The following CELSR3 variants were observed in gnomAD, a reference collection of about 807,000 sequenced individuals.
The protein encoded by CELSR3 is EGF-like protein 1.
CELSR3 carries 73 observed loss-of-function variants against 270.0 expected under a neutral mutation model. The ratio of observed to expected loss-of-function variants is 0.27; its 90% CI spans 0.22 to 0.33. The LOEUF (loss-of-function observed/expected upper bound fraction) is 0.33, where lower values mean the gene tolerates loss of function less well. CELSR3 is among the 10% of genes least tolerant of loss of function. CELSR3 has a pLI of 1.00. For synonymous variants in CELSR3, 1,780 were observed against 1,905.4 expected (o/e 0.93, Z 1.71); for missense variants, 3,614 against 4,533.8 (o/e 0.80, Z 5.83).
Position 48,651,264 on chromosome 3 carries a change from G to A in CELSR3, c.6186+95C>T. ...CTTGGTCACAGGACACAGGCAAGAG[G>A]TTAGGGCCCAAGTCAGGTGGCGGAG... On this transcript the variant is annotated intron_variant, in intron 14 of 34. Coordinates refer to ENST00000164024, the MANE Select transcript of CELSR3 (RefSeq NM_001407.3). The surrounding 1 kb of genome is among the most constrained non-coding windows in gnomAD (Gnocchi z 7.4). The A allele has an allele frequency of 4.5e-6, 7 of 1,568,024 alleles. No homozygotes were observed. In the South Asian group the frequency reaches 8.3e-5, roughly 19 times the overall value.
rs756383336 is a variant in CELSR3, at chr3:48,650,724, T to C, written c.6371-143A>G. 1.3e-4 allele frequency: 136 copies of C among 1,033,636 alleles called. No individual in the cohort carries two copies. Among genetic ancestry groups the C allele is most frequent in the Middle Eastern group, 3.0e-4 (1 of 3,296 alleles). 64.0% of individuals were successfully genotyped at this position (1,033,636 alleles called of 1,614,324 possible). A position where few individuals can be genotyped will look rare whatever the true frequency, so the allele number is the denominator to read the frequency against. ...TCAGGAGCTGACCTGTCAGATTCTGTGACAGGTCAGCAAAGTACTTGGGGC... is the reference window on the plus strand; with the variant it reads ...TCAGGAGCTGACCTGTCAGATTCTGCGACAGGTCAGCAAAGTACTTGGGGC... On this transcript the variant is annotated intron_variant, in intron 15 of 34. Coordinates refer to ENST00000164024, the MANE Select transcript of CELSR3 (RefSeq NM_001407.3). This position sits in a 1 kb window ranked among gnomAD's most constrained non-coding sequence, Gnocchi z 5.1.
rs1375618121 is a variant in CELSR3 at position 48,659,971 on chromosome 3, A to G, written c.2664T>C (p.Gly888=). 1.2e-6 allele frequency: 2 copies of G among 1,614,084 alleles called. No homozygotes were observed. The highest frequency in any genetic ancestry group is 1.1e-5 in the South Asian group (1 of 91,078). ...GGAGATAGGTGATACGAGCATTCTC[A>G]CCCACGTCATCATCAGAGGCACTGA... ...VVISASDDDV[G]ENARITYLLE... Residue 888 remains glycine (G), a synonymous_variant, in exon 1 of 35, where the codon GGT becomes GGC. Transcript: ENST00000164024. The surrounding 1 kb of genome is among the most constrained non-coding windows in gnomAD (Gnocchi z 8.1).
intron 19 of CELSR3, 60 bp from the exon 20 acceptor site, chr3:48,648,056 T>C: frequency 7.6e-6 from 12 of 1,574,470 alleles, no homozygotes; most frequent in Non-Finnish European, 1.0e-5. Flanking sequence ...CCAAGGGTTC[T>C]ACTCCCTCTT....
Position 48,640,885 on chromosome 3 carries a change from T to C in CELSR3, c.9026-326A>G, listed in dbSNP as rs1460860116. 2.3e-6 allele frequency: 1 copy of C among 443,514 alleles called. No homozygotes were observed. Among genetic ancestry groups the C allele is most frequent in the African/African-American group, 2.0e-5 (1 of 49,950 alleles). The allele number at this position is 443,514 out of a possible 1,614,324, so 27.5% of individuals were successfully genotyped here. A position where few individuals can be genotyped will look rare whatever the true frequency, so the allele number is the denominator to read the frequency against. On this transcript the variant is annotated intron_variant, in intron 33 of 34. Transcript: ENST00000164024. The surrounding 1 kb of genome is among the most constrained non-coding windows in gnomAD (Gnocchi z 7.5). ...CCTGACAATGCAGGCCTGGCTGAAA[T>C]GCAGGAACCCCCCGGGTTGGACAGG...
Position 48,652,423 on chromosome 3 carries a change from A to C in CELSR3, c.5751+14T>G, listed in dbSNP as rs1400576248. The C allele has an allele frequency of 3.8e-6, 6 of 1,596,488 alleles. No individual in the cohort carries two copies. The highest frequency in any genetic ancestry group is 5.2e-6 in the Non-Finnish European group (6 of 1,164,722). On this transcript the variant is annotated intron_variant, in intron 11 of 34. Transcript: ENST00000164024. This position sits in a 1 kb window ranked among gnomAD's most constrained non-coding sequence, Gnocchi z 4.3. Reference sequence around the variant, plus strand: ...CCCTAATGCCCCATATCACATTCCCATGCTGACCCCCACCTGGATGCAGCC... The same window carrying C: ...CCCTAATGCCCCATATCACATTCCCCTGCTGACCCCCACCTGGATGCAGCC...
chr3:48,637,702 G>C lies in CELSR3; in HGVS notation c.*503C>G, dbSNP rs952969093. ...CCCAGCCCCAGAAGTTTGGCCTTTG[G>C]AGCATTCAATAAAAAGCAAAGAACA... On this transcript the variant is annotated 3_prime_UTR_variant, in exon 35 of 35. Transcript: ENST00000164024. 1 of 153,864 alleles carries C rather than the reference G, an allele frequency of 6.5e-6. No homozygotes were observed. Among genetic ancestry groups the C allele is most frequent in the African/African-American group, 2.4e-5 (1 of 41,434 alleles). The allele number at this position is 153,864 out of a possible 1,614,324, so 9.5% of individuals were successfully genotyped here. A position where few individuals can be genotyped will look rare whatever the true frequency, so the allele number is the denominator to read the frequency against.
In CELSR3 at chr3:48,651,064, G is replaced by T; in HGVS notation, c.6198C>A (p.Tyr2066Ter). The change falls in exon 15 of 35, where the codon TAC (tyrosine) becomes TAA (stop). Residue 2066 changes from tyrosine (Y) to a stop codon, truncating the protein, a stop_gained. Coordinates refer to ENST00000164024, the MANE Select transcript of CELSR3 (RefSeq NM_001407.3). LOFTEE classifies it high-confidence loss of function. This position sits in a 1 kb window ranked among gnomAD's most constrained non-coding sequence, Gnocchi z 7.4. ...GGCAAGAGTCACTGCCCCGCGGTCG[G>T]TAGTGGAACTCCTGTTTGAGGATGG... ...NGQCHCKEFH[Y>*]RPRGSDSCLP... The T allele has an allele frequency of 6.4e-7, 1 of 1,563,144 alleles. No individual in the cohort carries two copies. Among genetic ancestry groups the T allele is most frequent in the Non-Finnish European group, 8.7e-7 (1 of 1,154,856 alleles).
chr3:48,656,555 G>T, intron 2 of CELSR3, 143 bp downstream of exon 2: 1 of 1,251,960 alleles, frequency 8.0e-7, no homozygotes, highest in Non-Finnish European at 1.0e-6. Flanking sequence ...GGCCCCTTCC[G>T]GCCACGCTCT....
At position 48,637,988 on chromosome 3, in the gene CELSR3, T is replaced by A; in HGVS notation, c.*217A>T. The A allele has an allele frequency of 2.0e-6, 1 of 508,656 alleles. No homozygotes were observed. Among genetic ancestry groups the A allele is most frequent in the Non-Finnish European group, 3.6e-6 (1 of 279,412 alleles). 31.5% of individuals were successfully genotyped at this position (508,656 alleles called of 1,614,324 possible). The stretch of plus-strand genomic sequence containing the variant: ...TCTCTGGTTACAAAGGTACAAAACG[T>A]ATAAAAGTCTCCCTCCAGTCCCCCG... On this transcript the variant is annotated 3_prime_UTR_variant, in exon 35 of 35. Coordinates refer to ENST00000164024, the MANE Select transcript of CELSR3 (RefSeq NM_001407.3).
rs2046989856 is a variant in CELSR3, at chr3:48,638,178, C to G, written c.*27G>C. 1 of 1,607,046 alleles carries G rather than the reference C, an allele frequency of 6.2e-7. No homozygotes were observed. Among genetic ancestry groups the G allele is most frequent in the Non-Finnish European group, 8.5e-7 (1 of 1,173,836 alleles). On this transcript the variant is annotated 3_prime_UTR_variant, in exon 35 of 35. Coordinates refer to ENST00000164024, the MANE Select transcript of CELSR3 (RefSeq NM_001407.3). ...AGCCTAGATCCTCTGTCGCCCTCAGCTGTTCCTCGTCCACGCCGTCATCCC... is the reference window on the plus strand; with the variant it reads ...AGCCTAGATCCTCTGTCGCCCTCAGGTGTTCCTCGTCCACGCCGTCATCCC...
Position 48,652,027 on chromosome 3 carries a change from G to T in CELSR3, c.5773C>A (p.Pro1925Thr), listed in dbSNP as rs534221156. The T allele has an allele frequency of 1.3e-6, 2 of 1,562,654 alleles. No homozygotes were observed. The highest frequency in any genetic ancestry group is 1.7e-6 in the Non-Finnish European group (2 of 1,158,664). Residue 1925 changes from proline to threonine, a missense_variant, in exon 12 of 35, where the codon CCC becomes ACC. Physicochemically the swap from Pro to Thr is conservative, Grantham distance 38. This residue lies in a region of CELSR3 where 1,331 missense variants were observed against 1,933.7 expected (regional missense o/e 0.69). Coordinates refer to ENST00000164024, the MANE Select transcript of CELSR3 (RefSeq NM_001407.3). The surrounding 1 kb of genome is among the most constrained non-coding windows in gnomAD (Gnocchi z 4.3). Reference protein sequence around the residue: ...CIQGVWLGSTPSGSPALLPPS... With the variant: ...CIQGVWLGSTTSGSPALLPPS... ...GGTAGCAGGGCCGGGGAGCCAGAGG[G>T]TGTGGAGCCGAGCCACACCCCCTGT...
chr3:48,648,238 G>GGGGCCC, intron 19 of CELSR3, 28 bp downstream of exon 19: 2 of 1,342,630 alleles, frequency 1.5e-6, no homozygotes, highest in Non-Finnish European at 2.1e-6. Context: ...CCCCTGCTGT[G>GGGGCCC]CCCCGCCCTA....
At chr3:48,649,048 G>A (rs1439143579) in intron 17 of CELSR3, 73 bp downstream of exon 17, 1 of 1,542,214 alleles carries the variant, frequency 6.5e-7, no homozygotes, top group Non-Finnish European at 8.9e-7. Context: ...TCAAGGGCTA[G>A]GGTGTGGTAT....
Position 48,660,875 on chromosome 3 carries a change from C to A in CELSR3, c.1760G>T (p.Gly587Val). The A allele has an allele frequency of 6.2e-7, 1 of 1,613,948 alleles. No homozygotes were observed. Among genetic ancestry groups the A allele is most frequent in the Non-Finnish European group, 8.5e-7 (1 of 1,180,018 alleles). Residue 587 changes from glycine to valine, a missense_variant, in exon 1 of 35, where the codon GGC becomes GTC. Around this residue, in one of 7 missense-constraint regions of CELSR3, gnomAD observed 354 missense variants for 500.9 expected, o/e 0.71. Coordinates refer to ENST00000164024, the MANE Select transcript of CELSR3 (RefSeq NM_001407.3). This position sits in a 1 kb window ranked among gnomAD's most constrained non-coding sequence, Gnocchi z 5.5. ...NGLVHYNIIS[G>V]NSRGHFAIDS... ...GATGGCAAAGTGTCCACGGCTATTG[C>A]CACTGATGATGTTGTAGTGCACCAA...
At position 48,660,055 on chromosome 3, in the gene CELSR3, A is replaced by C. The variant is rs142475235; in HGVS notation, c.2580T>G (p.Ser860Arg). ...DANTHRPVFQSAHYSVSVNED... is the reference protein window; with the variant it reads ...DANTHRPVFQRAHYSVSVNED... ...CATTCACACTCACTGAGTAGTGGGC[A>C]CTTTGAAAGACCGGCCGATGAGTGT... The change falls in exon 1 of 35, where the codon AGT (serine) becomes AGG (arginine). Residue 860 changes from serine (S) to arginine (R), a missense_variant. Around this residue, in one of 7 missense-constraint regions of CELSR3, gnomAD observed 215 missense variants for 241.2 expected, o/e 0.89. Transcript: ENST00000164024. This position sits in a 1 kb window ranked among gnomAD's most constrained non-coding sequence, Gnocchi z 5.5. 1,612 of 1,614,208 alleles carry C rather than the reference A, an allele frequency of 1.0e-3. 13 individuals carry two copies. The African/African-American group carries it at 0.017, about 17-fold the overall frequency.
Position 48,661,273 on chromosome 3 carries a change from C to G in CELSR3, c.1362G>C (p.Gln454His). 1 of 1,612,126 alleles carries G rather than the reference C, an allele frequency of 6.2e-7. No homozygotes were observed. The highest frequency in any genetic ancestry group is 8.5e-7 in the Non-Finnish European group (1 of 1,178,868). ...ENVEEGYPIL[Q>H]LRATDGDAPP... ...GCGCGTCGCCGTCAGTGGCACGCAG[C>G]TGCAGGATAGGGTAGCCCTCCTCCA... The change falls in exon 1 of 35, where the codon CAG (glutamine) becomes CAC (histidine). Residue 454 changes from glutamine (Q) to histidine (H), a missense_variant. By Grantham distance (24) the Gln-to-His change is conservative. Transcript: ENST00000164024.
In CELSR3 at chr3:48,656,417, C is replaced by T. The variant is rs901713822; in HGVS notation, c.4400-52G>A. On this transcript the variant is annotated intron_variant, in intron 2 of 34. Coordinates refer to ENST00000164024, the MANE Select transcript of CELSR3 (RefSeq NM_001407.3). ...GGTCACGCCCACGCCCGCCCCTGCT[C>T]CGGCCCCTTCAAAGACCGCGCGCCC... 11 of 1,377,738 alleles carry T rather than the reference C, an allele frequency of 8.0e-6. No homozygotes were observed. The Admixed American group carries it at 2.9e-4, about 36-fold the overall frequency. 85.3% of individuals were successfully genotyped at this position (1,377,738 alleles called of 1,614,324 possible). A position where few individuals can be genotyped will look rare whatever the true frequency, so the allele number is the denominator to read the frequency against.
intron 27 of CELSR3, chr3:48,643,899 G>A: frequency 1.6e-6 from 1 of 608,786 alleles, no homozygotes; most frequent in South Asian, 2.1e-5. Context: ...GAAAACACAG[G>A]GGTATGGGAG....
chr3:48,643,731 T>A, intron 27 of CELSR3, 54 bp from the exon 28 acceptor site: 1 of 1,539,690 alleles, frequency 6.5e-7, no homozygotes, highest in Non-Finnish European at 8.8e-7. Flanking sequence ...CATGTAGGAC[T>A]CATGCAGGGA....
Sources: gnomAD v4.1 joint callset for allele counts on GRCh38, gnomAD v4.1.1 for gene constraint, gnomAD v4.1.1 regional missense constraint, Gnocchi (gnomAD v3.1) non-coding constraint, MANE v1.5 for transcripts, NCBI Gene and HGNC (gene_info 2026-07-23, HGNC 2026-07-21) for gene names.